DMBT1: variants seen among roughly 807,000 people sequenced by gnomAD.
DMBT1 encodes the protein deleted in malignant brain tumors 1, also known as scavenger receptor cysteine-rich domain-containing protein DMBT1.
Under a neutral mutation model 252.9 loss-of-function variants are expected in DMBT1, and 198 were observed. The ratio of observed to expected loss-of-function variants is 0.78; its 90% CI spans 0.70 to 0.88. The LOEUF is 0.88. DMBT1 is among the 40% of genes least tolerant of loss of function. DMBT1 has a pLI of 0.00. For synonymous variants in DMBT1, 990 were observed against 942.7 expected, an observed-to-expected ratio of 1.05 and a Z score of -0.92; for missense variants, 2,432 against 2,404.7, an observed-to-expected ratio of 1.01 and a Z score of -0.24.
chr10:122,564,168 A>C (rs3019511), intron 1 of DMBT1, among the ~76,000 whole-genome samples: 2 of 152,146 alleles, frequency 1.3e-5, no homozygotes, highest in Admixed American at 1.3e-4. Context: ...GGAGCCCATC[A>C]TGGAGCTCAT....
chr10:122,572,780 T>C (rs11528748), intron 5 of DMBT1, among the ~76,000 whole-genome samples: 103,741 of 150,996 alleles, frequency 0.69, 36,108 homozygotes, highest in East Asian at 0.77. Flanking sequence ...ACCAAATATA[T>C]ATCTTCCTAA....
At chr10:122,580,834 C>A (rs760566414) in intron 10 of DMBT1, 32 bp from the exon 11 acceptor site, 1 of 1,613,784 alleles carries the variant, frequency 6.2e-7, no homozygotes, top group Non-Finnish European at 8.5e-7. Context: ...GTGTAATGTT[C>A]CTGATCTGAC....
chr10:122,591,346 C>A, intron 18 of DMBT1, 133 bp from the exon 19 acceptor site: 1 of 1,055,994 alleles, frequency 9.5e-7, no homozygotes, highest in Non-Finnish European at 1.5e-6. Flanking sequence ...CTTGGGCAGA[C>A]ACATGGGGAG....
At chr10:122,643,006 T>A in intron 55 of DMBT1, 116 bp from the exon 56 acceptor site, 2 of 1,346,616 alleles carry the variant, frequency 1.5e-6, no homozygotes, top group South Asian at 2.7e-5. Flanking sequence ...GAAGGTGAGG[T>A]GTGCAGGAGG....
At chr10:122,642,799 C>T (rs1844800432) in intron 55 of DMBT1, among the ~76,000 whole-genome samples, 1 of 152,196 alleles carries the variant, frequency 6.6e-6, no homozygotes, top group South Asian at 2.1e-4. Context: ...CCTGACTCAT[C>T]TGGTTTACCT....
intron 45 of DMBT1, among the ~76,000 whole-genome samples, chr10:122,625,602 T>C (rs536881952): frequency 1.3e-5 from 2 of 152,358 alleles, no homozygotes; most frequent in Admixed American, 6.5e-5. Context: ...AATAACTGTC[T>C]AAATTAACCC....
intron 26 of DMBT1, among the ~76,000 whole-genome samples, chr10:122,599,327 G>A (rs539527230): frequency 1.6e-4 from 24 of 152,316 alleles, no homozygotes; most frequent in Non-Finnish European, 3.1e-4. Flanking sequence ...CCCTTCCTGA[G>A]GGAAGGCAAG....
chr10:122,592,426 C>T lies in DMBT1; in HGVS notation c.2331C>T (p.Gly777=), dbSNP rs762199683. 1.9e-6 allele frequency: 3 copies of T among 1,588,418 alleles called. No individual in the cohort carries two copies. In the South Asian group the frequency reaches 3.5e-5, roughly 18 times the overall value. The stretch of plus-strand genomic sequence containing the variant: ...TGGTCTGCAGGCAGCTGGGCTGTGG[C>T]TGGGCCACGTCGGCCCCAGGAAATG... ...ANVVCRQLGC[G]WATSAPGNAR... Residue 777 remains glycine, a synonymous_variant, in exon 20 of 56, where the codon GGC becomes GGT. Transcript: ENST00000338354.
intron 2 of DMBT1, among the ~76,000 whole-genome samples, chr10:122,568,124 A>G (rs1454431504): frequency 1.3e-5 from 2 of 152,138 alleles, no homozygotes; most frequent in Non-Finnish European, 2.9e-5. Context: ...ACACGGAAGG[A>G]ATGACCTTGG....
At chr10:122,578,204 G>A (rs2097729874) in intron 8 of DMBT1, among the ~76,000 whole-genome samples, 1 of 152,156 alleles carries the variant, frequency 6.6e-6, no homozygotes, top group South Asian at 2.1e-4. Flanking sequence ...GGCAAGGTCA[G>A]TACAGGCTTG....
intron 54 of DMBT1, among the ~76,000 whole-genome samples, chr10:122,637,644 G>C (rs559262368): frequency 6.6e-6 from 1 of 152,298 alleles, no homozygotes; most frequent in South Asian, 2.1e-4. Context: ...GTTAGGGTTG[G>C]GGGTGAGAGG....
At chr10:122,600,281 C>G (rs1252164198) in intron 27 of DMBT1, among the ~76,000 whole-genome samples, 188 bp downstream of exon 27, 4 of 151,144 alleles carry the variant, frequency 2.6e-5, no homozygotes, top group Non-Finnish European at 5.9e-5. Flanking sequence ...ATTGAGGAGG[C>G]CTCTGTCTTC....
chr10:122,577,812 T>A lies in DMBT1; in HGVS notation c.609T>A (p.Ala203=), dbSNP rs776747053. 1 of 1,613,662 alleles carries A rather than the reference T, an allele frequency of 6.2e-7. No individual in the cohort carries two copies. The highest frequency in any genetic ancestry group is 1.7e-5 in the Admixed American group (1 of 60,000). Reference sequence around the variant, plus strand: ...AATGTTGCTATTTTTTTCTCACAGCTGCCCAGCCTCAGTCAACACTCAGGC... The same window carrying A: ...AATGTTGCTATTTTTTTCTCACAGCAGCCCAGCCTCAGTCAACACTCAGGC... ...HGEDAGVICS[A]AQPQSTLRPE... Residue 203 remains alanine (A), a splice_region_variant and synonymous_variant, in exon 8 of 56, where the codon GCT becomes GCA. Transcript: ENST00000338354.
At chr10:122,585,209 T>C in intron 14 of DMBT1, 62 bp from the exon 15 acceptor site, 1 of 1,563,580 alleles carries the variant, frequency 6.4e-7, no homozygotes, top group Non-Finnish European at 8.7e-7. Context: ...CCGGAGACTT[T>C]TCCTTTTGGA....
At chr10:122,599,933 A>G in intron 26 of DMBT1, 131 bp from the exon 27 acceptor site, 4 of 1,355,180 alleles carry the variant, frequency 3.0e-6, no homozygotes, top group Non-Finnish European at 4.2e-6. Context: ...GTGCATGGCA[A>G]TGCCCCTCCC....
chr10:122,618,506 C>T (rs2098024441), intron 41 of DMBT1, among the ~76,000 whole-genome samples, 166 bp downstream of exon 41: 1 of 152,202 alleles, frequency 6.6e-6, no homozygotes, highest in African/African-American at 2.4e-5. Flanking sequence ...TGCTACAGTA[C>T]CTGGTGCAGC....
At chr10:122,593,747 C>A in intron 21 of DMBT1, 149 bp downstream of exon 21, 3 of 1,228,118 alleles carry the variant, frequency 2.4e-6, no homozygotes, top group Non-Finnish European at 3.4e-6. Context: ...ACTGAGACCC[C>A]AGCACAGCGC....
intron 16 of DMBT1, among the ~76,000 whole-genome samples, chr10:122,588,683 G>A (rs1266944749): frequency 6.7e-6 from 1 of 149,016 alleles, no homozygotes; most frequent in African/African-American, 2.4e-5. Flanking sequence ...CCCAGAGTAG[G>A]GAGTCGGTTG....
chr10:122,592,679 C>T (rs2097859020), intron 20 of DMBT1, 84 bp downstream of exon 20: 18 of 1,558,702 alleles, frequency 1.2e-5, no homozygotes, highest in Admixed American at 7.0e-5. Flanking sequence ...GATCTCCTCA[C>T]TCAAAGATTC....
Sources: gnomAD v4.1 joint callset for allele counts (sites outside exome capture counted in the v4.1 genomes callset) on GRCh38, gnomAD v4.1.1 for gene constraint, MANE v1.5 for transcripts, NCBI Gene and HGNC (gene_info 2026-07-23, HGNC 2026-07-21) for gene names.